Variants in CLSTN2 observed in about 807,000 individuals in gnomAD.
The protein encoded by CLSTN2 is calsyntenin-2.
Under a neutral mutation model 101.2 loss-of-function variants are expected in CLSTN2, and 48 were observed. The observed-to-expected ratio is 0.47, with a 90% CI of 0.38 to 0.60. The LOEUF (loss-of-function observed/expected upper bound fraction) is 0.60, where lower values mean the gene tolerates loss of function less well. CLSTN2 is among the 20% of genes least tolerant of loss of function. The pLI, the probability that CLSTN2 is intolerant of heterozygous loss-of-function variation, is 0.00. For synonymous variants in CLSTN2, 481 were observed against 463.6 expected (o/e 1.04, Z -0.48); for missense variants, 1,160 against 1,238.2 (o/e 0.94, Z 0.95).
At chr3:139,952,072 AT>A (rs1488504174) in intron 1 of CLSTN2, among the ~76,000 whole-genome samples, 2 of 152,172 alleles carry the variant, frequency 1.3e-5, no homozygotes, top group Non-Finnish European at 2.9e-5. Context: ...GCATTTTAAT[AT>A]TTTGATTTAA....
At chr3:140,262,468 A>T (rs1303909723) in intron 2 of CLSTN2, among the ~76,000 whole-genome samples, 1 of 142,228 alleles carries the variant, frequency 7.0e-6, no homozygotes, top group African/African-American at 2.6e-5. Flanking sequence ...AAATGAAATT[A>T]TTTTTTATGA....
chr3:140,147,825 C>G (rs1229596393), intron 1 of CLSTN2, among the ~76,000 whole-genome samples: 1 of 152,198 alleles, frequency 6.6e-6, no homozygotes, highest in Non-Finnish European at 1.5e-5. Flanking sequence ...TAGTGCATTA[C>G]ACACTTTTTA....
At chr3:140,054,599 A>G (rs1383934223) in intron 1 of CLSTN2, among the ~76,000 whole-genome samples, 1 of 152,208 alleles carries the variant, frequency 6.6e-6, no homozygotes, top group Non-Finnish European at 1.5e-5. Context: ...CATTTCTGCC[A>G]GGGACCCTTA....
intron 1 of CLSTN2, among the ~76,000 whole-genome samples, chr3:140,070,782 G>A (rs1280566236): frequency 6.6e-6 from 1 of 152,090 alleles, no homozygotes; most frequent in African/African-American, 2.4e-5. Flanking sequence ...CCAGCCCACT[G>A]CTGTTTTTGT....
intron 2 of CLSTN2, among the ~76,000 whole-genome samples, chr3:140,398,362 T>C (rs185661181): frequency 6.6e-6 from 1 of 152,188 alleles, no homozygotes; most frequent in South Asian, 2.1e-4. Flanking sequence ...AAATTGGCTT[T>C]TTTCCCCTAC....
chr3:140,261,017 A>C (rs2086649027), intron 2 of CLSTN2, among the ~76,000 whole-genome samples: 1 of 152,196 alleles, frequency 6.6e-6, no homozygotes, highest in Non-Finnish European at 1.5e-5. Context: ...ATCATAACTT[A>C]CTACCATTGC....
At chr3:140,103,566 G>A (rs889444708) in intron 1 of CLSTN2, among the ~76,000 whole-genome samples, 4 of 152,094 alleles carry the variant, frequency 2.6e-5, no homozygotes, top group African/African-American at 9.7e-5. Context: ...ATTTTTCAGG[G>A]TCCTTTTGAA....
At chr3:140,029,819 C>T (rs564162887) in intron 1 of CLSTN2, among the ~76,000 whole-genome samples, 5 of 152,254 alleles carry the variant, frequency 3.3e-5, no homozygotes, top group Admixed American at 3.3e-4. Flanking sequence ...TTCTTATTTT[C>T]ACTCTCCAAC....
intron 2 of CLSTN2, among the ~76,000 whole-genome samples, chr3:140,306,450 A>AAGAC (rs2087114773): frequency 1.3e-5 from 2 of 152,178 alleles, no homozygotes; most frequent in Non-Finnish European, 2.9e-5. Context: ...CAGCTACACT[A>AAGAC]TGCTGTGGTC....
chr3:140,368,432 C>T (rs926977869), intron 2 of CLSTN2, among the ~76,000 whole-genome samples: 10 of 152,126 alleles, frequency 6.6e-5, no homozygotes, highest in African/African-American at 1.7e-4. Flanking sequence ...AGGCTGGATG[C>T]GCCCTTAACC....
intron 12 of CLSTN2, among the ~76,000 whole-genome samples, chr3:140,559,174 A>G (rs1191168751): frequency 6.6e-6 from 1 of 151,846 alleles, no homozygotes; most frequent in South Asian, 2.1e-4. Context: ...AGAAAAAAAA[A>G]AAAACACAGA....
intron 8 of CLSTN2, among the ~76,000 whole-genome samples, chr3:140,514,852 C>T (rs749510051): frequency 6.6e-6 from 1 of 152,082 alleles, no homozygotes; most frequent in African/African-American, 2.4e-5. Context: ...GGTGGAATTG[C>T]ATGGTGGTTT....
chr3:140,158,072 G>A (rs986993225), intron 1 of CLSTN2, among the ~76,000 whole-genome samples: 22 of 152,018 alleles, frequency 1.4e-4, no homozygotes, highest in Admixed American at 2.6e-4. Context: ...AATAAGGGCC[G>A]TCTATGACAA....
At chr3:140,308,050 C>T (rs2087131854) in intron 2 of CLSTN2, among the ~76,000 whole-genome samples, 1 of 152,122 alleles carries the variant, frequency 6.6e-6, no homozygotes, top group African/African-American at 2.4e-5. Flanking sequence ...CACCTCCTCC[C>T]CACCCCATGA....
At chr3:139,954,943 T>C (rs1051242469) in intron 1 of CLSTN2, among the ~76,000 whole-genome samples, 1 of 151,946 alleles carries the variant, frequency 6.6e-6, no homozygotes, top group African/African-American at 2.4e-5. Context: ...TTTAGACACA[T>C]GGCCCAGCTT....
intron 1 of CLSTN2, among the ~76,000 whole-genome samples, chr3:139,952,987 TG>T (rs1276087916): frequency 6.6e-6 from 1 of 152,102 alleles, no homozygotes; most frequent in Non-Finnish European, 1.5e-5. Flanking sequence ...CAGCTCAGAA[TG>T]GGGAAGGGCC....
chr3:140,445,714 G>A (rs887526596), intron 5 of CLSTN2, among the ~76,000 whole-genome samples: 2 of 152,184 alleles, frequency 1.3e-5, no homozygotes, highest in Non-Finnish European at 2.9e-5. Flanking sequence ...TCTGTCTGCA[G>A]CTCAGGAAGT....
At chr3:140,076,998 T>C (rs1469496406) in intron 1 of CLSTN2, among the ~76,000 whole-genome samples, 1 of 152,178 alleles carries the variant, frequency 6.6e-6, no homozygotes, top group East Asian at 1.9e-4. Flanking sequence ...TTCTCTACTA[T>C]GGCTCCCCAG....
At chr3:140,379,472 C>T (rs770837255) in intron 2 of CLSTN2, among the ~76,000 whole-genome samples, 13 of 152,142 alleles carry the variant, frequency 8.5e-5, no homozygotes, top group Non-Finnish European at 1.6e-4. Context: ...CCAGGGTCTT[C>T]GACCACTATG....
Sources: gnomAD v4.1 joint callset for allele counts (sites outside exome capture counted in the v4.1 genomes callset) on GRCh38, gnomAD v4.1.1 for gene constraint, MANE v1.5 for transcripts, NCBI Gene and HGNC (gene_info 2026-07-23, HGNC 2026-07-21) for gene names.